CUBN: variants seen among roughly 807,000 people sequenced by gnomAD.
CUBN encodes cubilin.
A neutral mutation model predicts 405.3 loss-of-function variants in CUBN; 282 were observed. The observed-to-expected ratio is 0.70, with a 90% CI of 0.63 to 0.77. The LOEUF (loss-of-function observed/expected upper bound fraction) is 0.77, where lower values mean the gene tolerates loss of function less well. Ranked by LOEUF, CUBN falls within the 30% of genes least tolerant of loss-of-function variation. The pLI is 0.00. For synonymous variants in CUBN, 1,684 were observed against 1,617.0 expected (o/e 1.04, Z -0.99); for missense variants, 4,514 against 4,475.2 (o/e 1.01, Z -0.25).
chr10:17,055,517 T>C (rs1835373317), intron 22 of CUBN, among the ~76,000 whole-genome samples: 1 of 152,098 alleles, frequency 6.6e-6, no homozygotes, highest in Admixed American at 6.6e-5. Flanking sequence ...ATGTAGTATA[T>C]ACTAAAGGAT....
chr10:17,058,189 G>A (rs970379700), intron 22 of CUBN, among the ~76,000 whole-genome samples: 1 of 152,006 alleles, frequency 6.6e-6, no homozygotes, highest in Admixed American at 6.6e-5. Context: ...CTTTTGCACA[G>A]TTAAAACTAT....
intron 22 of CUBN, among the ~76,000 whole-genome samples, chr10:17,052,049 C>CGG (rs113043763): frequency 8.5e-4 from 129 of 151,512 alleles, no homozygotes; most frequent in Non-Finnish European, 1.5e-3. Context: ...CCAGTTGGGG[C>CGG]GGGGGGGAAG....
intron 22 of CUBN, among the ~76,000 whole-genome samples, chr10:17,048,432 C>T (rs941660622): frequency 4.6e-5 from 7 of 152,022 alleles, no homozygotes; most frequent in African/African-American, 1.7e-4. Flanking sequence ...CCTATGCCCT[C>T]CAAATCTGAA....
chr10:16,853,364 A>C (rs973811449), intron 59 of CUBN, among the ~76,000 whole-genome samples: 1 of 152,190 alleles, frequency 6.6e-6, no homozygotes, highest in African/African-American at 2.4e-5. Flanking sequence ...TATTTTTCTC[A>C]TTCCATTTTC....
intron 60 of CUBN, among the ~76,000 whole-genome samples, chr10:16,847,152 C>T (rs890880693): frequency 1.3e-5 from 2 of 151,938 alleles, no homozygotes; most frequent in Admixed American, 6.6e-5. Flanking sequence ...AAAAAAATGT[C>T]CGTTATTTAA....
At chr10:16,925,094 A>G in intron 43 of CUBN, 147 bp downstream of exon 43, 1 of 651,428 alleles carries the variant, frequency 1.5e-6, no homozygotes, top group South Asian at 1.9e-5. Context: ...TCACGATGAG[A>G]TATTGAATGT....
rs754652026 is a variant in CUBN, at chr10:17,068,710, G to T, written c.2686C>A (p.Pro896Thr). ...TTGTACACAGATGTTATAAATGAAG[G>T]TATGTCTGTACCGCAATACTTTTTA... ...ENKKYCGTDIPSFITSVYNFL... is the reference protein window; with the variant it reads ...ENKKYCGTDITSFITSVYNFL... The change falls in exon 20 of 67, where the codon CCT becomes ACT. Residue 896 changes from proline to threonine, a missense_variant. By Grantham distance (38) the Pro-to-Thr change is conservative. This residue lies in a region of CUBN where 1,448 missense variants were observed against 1,388.0 expected (regional missense o/e 1.04). Coordinates refer to ENST00000377833, the MANE Select transcript of CUBN (RefSeq NM_001081.4). 9 of 1,611,932 alleles carry T rather than the reference G, an allele frequency of 5.6e-6. No individual in the cohort carries two copies. In the South Asian group the frequency reaches 9.9e-5, roughly 18 times the overall value.
rs1363296773 is a variant in CUBN, at chr10:16,888,473, A to G, written c.8849T>C (p.Ile2950Thr). The G allele has an allele frequency of 2.4e-5, 39 of 1,612,690 alleles. No homozygotes were observed. Among genetic ancestry groups the G allele is most frequent in the Non-Finnish European group, 3.2e-5 (38 of 1,178,792 alleles). ...YDNNMNCTYV[I>T]EANPLSVVLL... is the part of the protein sequence containing the mutation. ...GACCACTGACAGAGGATTAGCCTCT[A>G]TGACATAGGTGCAATTCATGTTGTT... The change falls in exon 56 of 67, where the codon ATA (isoleucine) becomes ACA (threonine). Residue 2950 changes from isoleucine (I) to threonine (T), a missense_variant. Physicochemically the swap from Ile to Thr is moderately conservative, Grantham distance 89. Around this residue, in one of 5 missense-constraint regions of CUBN, gnomAD observed 1,186 missense variants for 1,186.9 expected, o/e 1.00. Transcript: ENST00000377833.
At chr10:17,109,815 A>T in intron 9 of CUBN, 80 bp from the exon 10 acceptor site, 2 of 1,099,978 alleles carry the variant, frequency 1.8e-6, no homozygotes, top group Non-Finnish European at 2.8e-6. Flanking sequence ...TTCAAATATC[A>T]TGAAATGGAC....
intron 51 of CUBN, among the ~76,000 whole-genome samples, chr10:16,902,546 CTCT>C (rs1398279128): frequency 6.6e-6 from 1 of 151,912 alleles, no homozygotes; most frequent in Non-Finnish European, 1.5e-5. Flanking sequence ...TGAAACCTGA[CTCT>C]TCTTTGAATC....
chr10:16,952,108 A>G (rs890749505), intron 33 of CUBN, among the ~76,000 whole-genome samples, 168 bp downstream of exon 33: 4 of 152,198 alleles, frequency 2.6e-5, no homozygotes. Context: ...CTTCCCTATC[A>G]GATTAGGAAA....
chr10:16,873,217 T>C (rs900941673), intron 58 of CUBN, among the ~76,000 whole-genome samples: 1 of 152,170 alleles, frequency 6.6e-6, no homozygotes, highest in African/African-American at 2.4e-5. Flanking sequence ...CCACATGCCA[T>C]ACGTATATCA....
At chr10:16,905,646 T>G (rs1243929394) in intron 50 of CUBN, among the ~76,000 whole-genome samples, 2 of 152,176 alleles carry the variant, frequency 1.3e-5, no homozygotes, top group Non-Finnish European at 2.9e-5. Flanking sequence ...ACGAAGTGAC[T>G]GTAACACAGA....
At chr10:17,127,204 GTCTT>G (rs1432161338) in intron 3 of CUBN, among the ~76,000 whole-genome samples, 160 of 141,282 alleles carry the variant, frequency 1.1e-3, no homozygotes, top group African/African-American at 3.8e-3. Context: ...CTTTCACTCT[GTCTT>G]TCTTTCTCTC....
At chr10:17,004,671 G>T (rs1646175526) in intron 28 of CUBN, among the ~76,000 whole-genome samples, 1 of 98,504 alleles carries the variant, frequency 1.0e-5, no homozygotes, top group South Asian at 3.5e-4. Flanking sequence ...CTTCTAAATA[G>T]CTCTTTTTTT....
At chr10:17,046,743 G>A (rs1196172986) in intron 23 of CUBN, among the ~76,000 whole-genome samples, 2 of 151,938 alleles carry the variant, frequency 1.3e-5, no homozygotes, top group Admixed American at 6.6e-5. Context: ...TTATATTATA[G>A]AATAACATTT....
rs1354047928 is a variant in CUBN, at chr10:16,925,577, G to A, written c.6462+7C>T. ...ATGTAATTAGAAAGGGTAGCAGCAA[G>A]ACCTACCACCAAGTAATCCCCCTGG... On this transcript the variant is annotated splice_region_variant and intron_variant, in intron 42 of 66. Transcript: ENST00000377833. 5 of 1,613,636 alleles carry A rather than the reference G, an allele frequency of 3.1e-6. No homozygotes were observed. The Admixed American group carries it at 5.0e-5, about 16-fold the overall frequency.
chr10:16,956,921 AGG>A (rs1436433088), intron 31 of CUBN, among the ~76,000 whole-genome samples: 6 of 152,168 alleles, frequency 3.9e-5, no homozygotes, highest in African/African-American at 1.2e-4. Flanking sequence ...CACATGTATG[AGG>A]GATAGTGTGA....
At chr10:16,840,733 T>C (rs1839322296) in intron 61 of CUBN, 152 bp downstream of exon 61, 2 of 834,828 alleles carry the variant, frequency 2.4e-6, no homozygotes, top group African/African-American at 1.7e-5. Context: ...GTAATTAACA[T>C]GGTGTTTAGC....
Sources: gnomAD v4.1 joint callset for allele counts (sites outside exome capture counted in the v4.1 genomes callset) on GRCh38, gnomAD v4.1.1 for gene constraint, gnomAD v4.1.1 regional missense constraint, MANE v1.5 for transcripts, NCBI Gene and HGNC (gene_info 2026-07-23, HGNC 2026-07-21) for gene names.